The following CES2 variants were observed in gnomAD, a reference collection of about 807,000 sequenced individuals.
The protein encoded by CES2 is carboxylesterase 2.
A neutral mutation model predicts 52.1 loss-of-function variants in CES2; 42 were observed. The ratio of observed to expected loss-of-function variants is 0.81; its 90% CI spans 0.63 to 1.04. The LOEUF (loss-of-function observed/expected upper bound fraction) is 1.04, where lower values mean the gene tolerates loss of function less well. CES2 is among the 50% of genes least tolerant of loss of function. The probability of loss-of-function intolerance (pLI) is 0.00; values close to 1 mark genes in which losing one functional copy is unlikely to be tolerated. For synonymous variants in CES2, 277 were observed against 289.6 expected, an observed-to-expected ratio of 0.96 and a Z score of 0.44; for missense variants, 656 against 724.3, an observed-to-expected ratio of 0.91 and a Z score of 1.08.
At position 66,943,276 on chromosome 16, in the gene CES2, A is replaced by T; in HGVS notation, c.1421-23A>T. On this transcript the variant is annotated intron_variant, in intron 10 of 11. Transcript: ENST00000317091. This position sits in a 1 kb window ranked among gnomAD's most constrained non-coding sequence, Gnocchi z 4.2. Reference sequence around the variant, plus strand: ...TGAGGTTGGACATCCTGATGAAGACACATGTCCTCTTCCTCTTGGCAGTTA... The same window carrying T: ...TGAGGTTGGACATCCTGATGAAGACTCATGTCCTCTTCCTCTTGGCAGTTA... 1 of 1,612,814 alleles carries T rather than the reference A, an allele frequency of 6.2e-7. No individual in the cohort carries two copies. Among genetic ancestry groups the T allele is most frequent in the Non-Finnish European group, 8.5e-7 (1 of 1,178,902 alleles).
upstream of CES2, chr16:66,935,245 T>A (rs1036648508): frequency 1.3e-5 from 7 of 555,314 alleles, no homozygotes; most frequent in Non-Finnish European, 1.9e-5. Context: ...GGGTCTCCAA[T>A]TCTAGTTTAT....
At chr16:66,935,438 C>T (rs773284251), upstream of CES2, 2 of 1,578,984 alleles carry the variant, frequency 1.3e-6, no homozygotes, top group Non-Finnish European at 8.6e-7. Flanking sequence ...AGATCCCCAC[C>T]CACCTATGAC....
At chr16:66,936,042 A>C in intron 1 of CES2, 1 of 1,257,698 alleles carries the variant, frequency 8.0e-7, no homozygotes, top group Non-Finnish European at 1.0e-6. Flanking sequence ...TTTCCCTCTT[A>C]TGATTGTGGC....
At chr16:66,940,174 G>T (rs759924440) in intron 3 of CES2, 48 bp from the exon 4 acceptor site, 1 of 1,606,268 alleles carries the variant, frequency 6.2e-7, no homozygotes, top group East Asian at 2.2e-5. Context: ...GCCCTGGTGG[G>T]GTTTGGGCTG....
intron 9 of CES2, 112 bp from the exon 10 acceptor site, chr16:66,942,536 C>A: frequency 8.2e-7 from 1 of 1,219,344 alleles, no homozygotes; most frequent in Non-Finnish European, 1.2e-6. Context: ...GGGCTCCACA[C>A]CCCATTGTCC....
At position 66,942,269 on chromosome 16, in the gene CES2, A is replaced by T. The variant is rs778187350; in HGVS notation, c.1282+20A>T. On this transcript the variant is annotated intron_variant, in intron 9 of 11. Transcript: ENST00000317091. ...TTCAGTGTGAGTATATTTGGACCAA[A>T]GCCTGGCGGGCAGGGTACAGCTCAG... 1 of 1,593,620 alleles carries T rather than the reference A, an allele frequency of 6.3e-7. No homozygotes were observed. Among genetic ancestry groups the T allele is most frequent in the South Asian group, 1.1e-5 (1 of 88,498 alleles).
chr16:66,935,376 CCAAAGGAGCCCGGG>C, upstream of CES2: 1 of 1,501,216 alleles, frequency 6.7e-7, no homozygotes, highest in East Asian at 2.3e-5. Context: ...TCCGAGGATG[CCAAAGGAGCCCGGG>C]CAAAGGAAAG....
At chr16:66,941,874 A>G in intron 8 of CES2, 26 bp downstream of exon 8, 1 of 1,613,882 alleles carries the variant, frequency 6.2e-7, no homozygotes, top group East Asian at 2.2e-5. Context: ...TCCCTCGCCA[A>G]TGGAGACGGG....
rs769225861 is a variant in CES2, at chr16:66,935,777, C to T, written c.76+66C>T. 13 of 1,597,500 alleles carry T rather than the reference C, an allele frequency of 8.1e-6. 1 individual carries two copies. In the South Asian group the frequency reaches 8.8e-5, roughly 11 times the overall value. On this transcript the variant is annotated intron_variant, in intron 1 of 11. Transcript: ENST00000317091. ...TCTGCCAAATGCTGCGGAGGCAGAACCTGACAGTGCGGGAGGGCAGGCGCC... is the reference window on the plus strand; with the variant it reads ...TCTGCCAAATGCTGCGGAGGCAGAATCTGACAGTGCGGGAGGGCAGGCGCC...
upstream of CES2, chr16:66,935,402 G>A (rs1474475699): frequency 1.9e-6 from 3 of 1,538,994 alleles, no homozygotes; most frequent in Middle Eastern, 1.8e-4. Flanking sequence ...AAAGGAAAGT[G>A]GCCGTGCCCG....
At chr16:66,934,642 C>T (rs921894443), upstream of CES2, 2 of 484,462 alleles carry the variant, frequency 4.1e-6, no homozygotes, top group African/African-American at 4.0e-5. This position sits in a 1 kb window ranked among gnomAD's most constrained non-coding sequence, Gnocchi z 4.1. Flanking sequence ...GAGGCCAGAA[C>T]CAGGTCTCAG....
At chr16:66,942,423 C>A in intron 9 of CES2, 174 bp downstream of exon 9, 1 of 839,336 alleles carries the variant, frequency 1.2e-6, no homozygotes, top group Non-Finnish European at 1.8e-6. Context: ...ACATTTCCCC[C>A]ATTTCACAGA....
Position 66,941,694 on chromosome 16 carries a change from G to T in CES2, c.1056+48G>T, listed in dbSNP as rs764331896. The T allele has an allele frequency of 1.9e-6, 3 of 1,613,262 alleles. No individual in the cohort carries two copies. In the South Asian group the frequency reaches 3.3e-5, roughly 18 times the overall value. On this transcript the variant is annotated intron_variant, in intron 7 of 11. Transcript: ENST00000317091. ...AAGTGCCTGGGGAGCCCATCTGGTA[G>T]TGGGGGGTGTTCAGGGCTTCATAGC...
chr16:66,941,937 T>G lies in CES2; in HGVS notation c.1137+89T>G, dbSNP rs78186931. ...ATTCAACCCCCAGATACCCTTCCTA[T>G]GTAGTGACCCCCATGAGCAAAGGCC... On this transcript the variant is annotated intron_variant, in intron 8 of 11. Transcript: ENST00000317091. The G allele has an allele frequency of 5.9e-4, 929 of 1,582,952 alleles. 10 individuals carry two copies. In the East Asian group the frequency reaches 0.014, roughly 24 times the overall value.
chr16:66,940,684 G>A lies in CES2; in HGVS notation c.805G>A (p.Val269Ile), dbSNP rs757657844. ...LPGLIASSAD[V>I]ISTVVANLSA... ...CGGCCTCATTGCCAGCTCAGCTGAT[G>A]TCATCTCCACGGTGAGTGCCCTCAG... The change falls in exon 5 of 12, where the codon GTC (valine) becomes ATC (isoleucine). Residue 269 changes from valine to isoleucine, a missense_variant. Val to Ile is a conservative substitution (Grantham distance 29). Transcript: ENST00000317091. 16 of 1,614,100 alleles carry A rather than the reference G, an allele frequency of 9.9e-6. No homozygotes were observed. The highest frequency in any genetic ancestry group is 1.3e-5 in the Non-Finnish European group (15 of 1,180,028).
At position 66,943,493 on chromosome 16, in the gene CES2, C is replaced by A; in HGVS notation, c.1493+122C>A. On this transcript the variant is annotated intron_variant, in intron 11 of 11. Transcript: ENST00000317091. This position sits in a 1 kb window ranked among gnomAD's most constrained non-coding sequence, Gnocchi z 4.2. Reference sequence around the variant, plus strand: ...ATCCTTCATCACATGATGGCCCCTTCCCCAGCTCCGGGACCCACTCAGACA... The same window carrying A: ...ATCCTTCATCACATGATGGCCCCTTACCCAGCTCCGGGACCCACTCAGACA... 2 of 1,026,060 alleles carry A rather than the reference C, an allele frequency of 1.9e-6. No homozygotes were observed. The highest frequency in any genetic ancestry group is 2.9e-6 in the Non-Finnish European group (2 of 681,490). The allele number at this position is 1,026,060 out of a possible 1,614,324, so 63.6% of individuals were successfully genotyped here.
chr16:66,935,359 A>C, upstream of CES2: 1 of 1,394,704 alleles, frequency 7.2e-7, no homozygotes, highest in South Asian at 1.3e-5. Flanking sequence ...GGAATGGCAC[A>C]GCCCCTTCCG....
upstream of CES2, chr16:66,934,859 C>A (rs1414105722): frequency 6.2e-6 from 1 of 162,536 alleles, no homozygotes; most frequent in Non-Finnish European, 1.3e-5. The surrounding 1 kb of genome is among the most constrained non-coding windows in gnomAD (Gnocchi z 4.1). Context: ...CCGGCAGGGG[C>A]TCGTGAAATG....
At chr16:66,938,427 T>C (rs1196012001) in intron 2 of CES2, 186 bp downstream of exon 2, 1 of 601,030 alleles carries the variant, frequency 1.7e-6, no homozygotes, top group Non-Finnish European at 3.0e-6. Context: ...CAGAATAACT[T>C]CTCAGACTCC....
Sources: gnomAD v4.1 joint callset for allele counts on GRCh38, gnomAD v4.1.1 for gene constraint, Gnocchi (gnomAD v3.1) non-coding constraint, MANE v1.5 for transcripts, NCBI Gene and HGNC (gene_info 2026-07-23, HGNC 2026-07-21) for gene names.